The following LRRTM4 variants were observed in gnomAD, a reference collection of about 807,000 sequenced individuals.
LRRTM4 encodes leucine rich repeat transmembrane neuronal 4, also known as leucine-rich repeat transmembrane neuronal protein 4.
Under a neutral mutation model 47.6 loss-of-function variants are expected in LRRTM4, and 25 were observed. The observed-to-expected ratio is 0.53, with a 90% CI of 0.38 to 0.73. LRRTM4 has a LOEUF of 0.73. Ranked by LOEUF, LRRTM4 falls within the 30% of genes least tolerant of loss-of-function variation. The pLI is 0.00. For missense variants in LRRTM4, 638 were observed against 713.4 expected (o/e 0.89, Z 1.20); for synonymous variants, 311 against 269.5 (o/e 1.15, Z -1.51).
chr2:77,392,929 C>G (rs1194532467), intron 3 of LRRTM4, among the ~76,000 whole-genome samples: 1 of 151,930 alleles, frequency 6.6e-6, no homozygotes, highest in Non-Finnish European at 1.5e-5. Flanking sequence ...AAATAGTTAG[C>G]TTTAGCCATT....
intron 3 of LRRTM4, among the ~76,000 whole-genome samples, chr2:77,449,744 A>T (rs927197186): frequency 2.0e-5 from 3 of 152,200 alleles, no homozygotes; most frequent in African/African-American, 7.2e-5. Context: ...AGCACTGCCA[A>T]AAACAGCTCC....
At chr2:77,473,095 T>C (rs1385408316) in intron 3 of LRRTM4, among the ~76,000 whole-genome samples, 1 of 152,148 alleles carries the variant, frequency 6.6e-6, no homozygotes, top group African/African-American at 2.4e-5. Flanking sequence ...AATTTATTCC[T>C]ATCACAGGCT....
chr2:76,809,680 A>G (rs1670669753), intron 3 of LRRTM4, among the ~76,000 whole-genome samples: 1 of 152,170 alleles, frequency 6.6e-6, no homozygotes, highest in South Asian at 2.1e-4. Context: ...ATGCCATACC[A>G]TCACCCTGAA....
chr2:77,002,552 G>A (rs1677472894), intron 3 of LRRTM4, among the ~76,000 whole-genome samples: 1 of 152,008 alleles, frequency 6.6e-6, no homozygotes, highest in Non-Finnish European at 1.5e-5. Flanking sequence ...GTCCTTATTA[G>A]CCTCAAACAA....
rs1573248828 is a variant in LRRTM4, at chr2:76,880,324, T to A, written c.1552-131408A>T. 2.0e-5 allele frequency among the ~76,000 whole-genome samples: 3 copies of A among 152,264 alleles called. 1 individual carries two copies. Among genetic ancestry groups the A allele is most frequent in the African/African-American group, 7.2e-5 (3 of 41,564 alleles). On this transcript the variant is annotated intron_variant, in intron 3 of 3. Coordinates refer to ENST00000409884, the MANE Select transcript of LRRTM4 (RefSeq NM_001134745.3). Reference sequence around the variant, plus strand: ...GAACTTCAGCAACCACCACTCTAATTAGTCAGCAGCCATGGACATTGAGTC... The same window carrying A: ...GAACTTCAGCAACCACCACTCTAATAAGTCAGCAGCCATGGACATTGAGTC...
intron 3 of LRRTM4, among the ~76,000 whole-genome samples, chr2:76,821,577 A>G (rs958771068): frequency 2.0e-5 from 3 of 151,720 alleles, no homozygotes; most frequent in Non-Finnish European, 4.4e-5. Context: ...CATTTCAAGG[A>G]AAATAAGGAA....
At chr2:76,864,716 T>C (rs1470835657) in intron 3 of LRRTM4, among the ~76,000 whole-genome samples, 1 of 151,620 alleles carries the variant, frequency 6.6e-6, no homozygotes, top group African/African-American at 2.4e-5. Context: ...AGAATCCCAT[T>C]CAATTTTTTC....
intron 3 of LRRTM4, among the ~76,000 whole-genome samples, chr2:77,377,239 G>A (rs774522696): frequency 3.6e-4 from 54 of 151,844 alleles, no homozygotes; most frequent in Admixed American, 5.9e-4. Context: ...TTTTCTTGAA[G>A]AATGGTATTA....
intron 3 of LRRTM4, among the ~76,000 whole-genome samples, chr2:77,147,284 C>T (rs1397371764): frequency 6.6e-6 from 1 of 152,176 alleles, no homozygotes; most frequent in Non-Finnish European, 1.5e-5. Flanking sequence ...AGGGATTTCC[C>T]TTGCCTAGGT....
At chr2:77,385,072 G>C (rs987092564) in intron 3 of LRRTM4, among the ~76,000 whole-genome samples, 2 of 151,988 alleles carry the variant, frequency 1.3e-5, no homozygotes, top group African/African-American at 4.8e-5. Flanking sequence ...TGAAAACACT[G>C]TTAGAAAGGT....
At chr2:77,372,161 AT>A (rs1426087913) in intron 3 of LRRTM4, among the ~76,000 whole-genome samples, 1 of 151,756 alleles carries the variant, frequency 6.6e-6, no homozygotes, top group Non-Finnish European at 1.5e-5. Context: ...GGAGGAAGAC[AT>A]TAGTTTTGTT....
intron 3 of LRRTM4, among the ~76,000 whole-genome samples, chr2:77,269,524 T>C (rs1231948836): frequency 6.6e-6 from 1 of 152,196 alleles, no homozygotes; most frequent in Non-Finnish European, 1.5e-5. Context: ...TAAAACTTAC[T>C]GAATTAAACT....
intron 3 of LRRTM4, among the ~76,000 whole-genome samples, chr2:77,375,360 T>C (rs1197252383): frequency 6.6e-6 from 1 of 151,752 alleles, no homozygotes; most frequent in Non-Finnish European, 1.5e-5. Context: ...CGTGTAACTA[T>C]TACCACAATG....
intron 3 of LRRTM4, among the ~76,000 whole-genome samples, chr2:76,936,338 C>CA (rs768988779): frequency 3.3e-5 from 5 of 150,226 alleles, no homozygotes; most frequent in Admixed American, 6.7e-5. Flanking sequence ...TATCACAAAA[C>CA]AAAAAACCAA....
At chr2:76,894,000 A>G (rs1673332084) in intron 3 of LRRTM4, among the ~76,000 whole-genome samples, 1 of 151,944 alleles carries the variant, frequency 6.6e-6, no homozygotes, top group African/African-American at 2.4e-5. Context: ...GCAACAGTCA[A>G]TAACATTCCC....
chr2:76,921,554 T>C (rs1558739679), intron 3 of LRRTM4, among the ~76,000 whole-genome samples: 1 of 152,102 alleles, frequency 6.6e-6, no homozygotes, highest in Non-Finnish European at 1.5e-5. Context: ...AGTACCTATA[T>C]AAATTATTTA....
chr2:76,788,346 T>C (rs772091660), intron 3 of LRRTM4, among the ~76,000 whole-genome samples: 7 of 152,180 alleles, frequency 4.6e-5, no homozygotes, highest in African/African-American at 7.2e-5. Flanking sequence ...CCGTCTTGAA[T>C]AACCATTATC....
intron 3 of LRRTM4, among the ~76,000 whole-genome samples, chr2:76,940,089 C>T (rs951806782): frequency 3.3e-5 from 5 of 152,062 alleles, no homozygotes; most frequent in African/African-American, 4.8e-5. Context: ...GTCCACTCCT[C>T]AAAGAGCTGA....
rs888236220 is a variant in LRRTM4 at position 77,192,472 on chromosome 2, T to C, written c.1551+325846A>G. 6.6e-5 allele frequency among the ~76,000 whole-genome samples: 10 copies of C among 152,196 alleles called. No individual in the cohort carries two copies. The South Asian group carries it at 2.1e-3, about 32-fold the overall frequency. On this transcript the variant is annotated intron_variant, in intron 3 of 3. Transcript: ENST00000409884. ...CTATCTAAAGAAATAAAGAAAAAAA[T>C]TGAAAATAGCAGTGTGATAGTTGAC...
Sources: gnomAD v4.1 joint callset for allele counts (sites outside exome capture counted in the v4.1 genomes callset) on GRCh38, gnomAD v4.1.1 for gene constraint, MANE v1.5 for transcripts, NCBI Gene and HGNC (gene_info 2026-07-23, HGNC 2026-07-21) for gene names.